The following ZNF66 variants were observed in gnomAD, a reference collection of about 807,000 sequenced individuals.
ZNF66 encodes putative zinc finger protein 66.
Under a neutral mutation model 35.2 loss-of-function variants are expected in ZNF66, and 32 were observed. The ratio of observed to expected loss-of-function variants is 0.91; its 90% confidence interval spans 0.69 to 1.22. The LOEUF (loss-of-function observed/expected upper bound fraction) is 1.22. ZNF66 is among the 50% of genes most tolerant of loss of function. The probability of loss-of-function intolerance (pLI) is 0.00; values close to 1 mark genes in which losing one functional copy is unlikely to be tolerated. For synonymous variants in ZNF66, 231 were observed against 181.3 expected (o/e 1.27, Z -2.20); for missense variants, 666 against 543.1 (o/e 1.23, Z -2.25).
At chr19:20,794,307 G>A (rs73009745) in intron 3 of ZNF66, 6,542 of 176,852 alleles carry the variant, frequency 0.037, 132 homozygotes, top group African/African-American at 0.054. Flanking sequence ...ATTTTTTTTT[G>A]TTCATTTTTG....
chr19:20,777,566 A>AT (rs1392735532), intron 1 of ZNF66, among the ~76,000 whole-genome samples: 1 of 147,876 alleles, frequency 6.8e-6, no homozygotes, highest in Non-Finnish European at 1.5e-5. Context: ...TTTCCCTGGC[A>AT]TTTTTCACAT....
chr19:20,785,346 C>A (rs1417198434), intron 1 of ZNF66, among the ~76,000 whole-genome samples: 1 of 152,204 alleles, frequency 6.6e-6, no homozygotes, highest in African/African-American at 2.4e-5. Context: ...ATGTAAATAG[C>A]CAAAGAGAGA....
In ZNF66 at chr19:20,781,384, C is replaced by T. The variant is rs540232589; in HGVS notation, c.3+4934C>T. On this transcript the variant is annotated intron_variant, in intron 1 of 3. Transcript: ENST00000344519. ...TGTTTTCTGATCCTCTGAGTTCTCC[C>T]ACCCTCCACCCTCAACTAGGCCTCA... Among the ~76,000 whole-genome samples the T allele has an allele frequency of 3.3e-5, 5 of 152,258 alleles. No individual in the cohort carries two copies. The South Asian group carries it at 6.2e-4, about 19-fold the overall frequency.
intron 1 of ZNF66, among the ~76,000 whole-genome samples, chr19:20,788,233 A>G (rs1282032734): frequency 6.6e-6 from 1 of 152,206 alleles, no homozygotes; most frequent in East Asian, 1.9e-4. Flanking sequence ...TGAAGCAGTC[A>G]TGGTTCCTAC....
chr19:20,791,485 C>CAAAAAAAAAAAAAAAAAAA, intron 1 of ZNF66, among the ~76,000 whole-genome samples: 1 of 57,338 alleles, frequency 1.7e-5, no homozygotes, highest in Non-Finnish European at 4.0e-5. Flanking sequence ...GACTTAATCT[C>CAAAAAAAAAAAAAAAAAAA]AAAAAAAAAA....
chr19:20,780,795 G>A (rs2144890815), intron 1 of ZNF66, among the ~76,000 whole-genome samples: 1 of 152,264 alleles, frequency 6.6e-6, no homozygotes, highest in African/African-American at 2.4e-5. Context: ...TGTGATTCAG[G>A]TCTTCTCCCA....
In ZNF66 at chr19:20,809,968, A is replaced by G. The variant is rs1971573655; in HGVS notation, c.*2646A>G. Among the ~76,000 whole-genome samples, 1 of 152,200 alleles carries G rather than the reference A, an allele frequency of 6.6e-6. No individual in the cohort carries two copies. The highest frequency in any genetic ancestry group is 6.5e-5 in the Admixed American group (1 of 15,282). ...GTGCAGAGACACACATAGGCTCAAA[A>G]TAAAAGGATGGAGGAAGATCTACGA... On this transcript the variant is annotated 3_prime_UTR_variant, in exon 4 of 4. Transcript: ENST00000344519.
Position 20,806,476 on chromosome 19 carries a change from A to G in ZNF66, c.876A>G (p.Lys292=), listed in dbSNP as rs746334980. ...CCTACAAATGTGAAGAATGTGGCAA[A>G]GTTTTTAAGTACCTTTCTTCCCTTT... The part of the protein sequence containing the change: ...EKPYKCEECG[K]VFKYLSSLST... Residue 292 remains lysine (K), a synonymous_variant, in exon 4 of 4, where the codon AAA becomes AAG. Transcript: ENST00000344519. The G allele has an allele frequency of 1.6e-5, 25 of 1,527,672 alleles. No homozygotes were observed. In the South Asian group the frequency reaches 2.8e-4, roughly 17 times the overall value. The allele number at this position is 1,527,672 out of a possible 1,614,324, so 94.6% of individuals were successfully genotyped here.
Position 20,777,798 on chromosome 19 carries a change from A to G in ZNF66, c.3+1348A>G, listed in dbSNP as rs1435379265. Among the ~76,000 whole-genome samples the G allele has an allele frequency of 3.9e-5, 6 of 151,916 alleles. No homozygotes were observed. In the East Asian group the frequency reaches 1.2e-3, roughly 30 times the overall value. ...GCGCCACCACTCCCAGCTAGTTTTC[A>G]TATTTTTAGTAGAGATGAGGTTTCA... On this transcript the variant is annotated intron_variant, in intron 1 of 3. Coordinates refer to ENST00000344519, the MANE Select transcript of ZNF66 (RefSeq NM_001355197.2).
In ZNF66 at chr19:20,806,061, T is replaced by A. The variant is rs768488212; in HGVS notation, c.461T>A (p.Phe154Tyr). 1.2e-6 allele frequency: 1 copy of A among 841,864 alleles called. No homozygotes were observed. The highest frequency in any genetic ancestry group is 2.0e-6 in the Non-Finnish European group (1 of 497,700). The allele number at this position is 841,864 out of a possible 1,614,324, so 52.1% of individuals were successfully genotyped here. Residue 154 changes from phenylalanine (F) to tyrosine (Y), a missense_variant, in exon 4 of 4, where the codon TTT becomes TAT. By Grantham distance (22) the Phe-to-Tyr change is conservative. Transcript: ENST00000344519. ...MFQCDKHGKVFHQFSNTNRHK... is the reference protein window; with the variant it reads ...MFQCDKHGKVYHQFSNTNRHK... ...CAATGTGATAAACATGGGAAAGTCTTTCATCAATTTTCAAATACAAACAGA... is the reference window on the plus strand; with the variant it reads ...CAATGTGATAAACATGGGAAAGTCTATCATCAATTTTCAAATACAAACAGA...
intron 3 of ZNF66, among the ~76,000 whole-genome samples, chr19:20,801,075 C>T (rs1287003590): frequency 6.6e-6 from 1 of 152,000 alleles, no homozygotes; most frequent in East Asian, 1.9e-4. Context: ...ATTCACTTTA[C>T]CATAATATAA....
Position 20,806,707 on chromosome 19 carries a change from C to T in ZNF66, c.1107C>T (p.Tyr369=), listed in dbSNP as rs753344113. The change falls in exon 4 of 4, where the codon TAC becomes TAT. Residue 369 remains tyrosine, a synonymous_variant. Coordinates refer to ENST00000344519, the MANE Select transcript of ZNF66 (RefSeq NM_001355197.2). ...TAATCCATACTGGAGAGAAACCCTA[C>T]AAATGTGAAGAATGTGGTGAAGCCT... ...HKIIHTGEKP[Y]KCEECGEAFK... 5.5e-6 allele frequency: 8 copies of T among 1,453,386 alleles called. No homozygotes were observed. The South Asian group carries it at 5.7e-5, about 10-fold the overall frequency. 90.0% of individuals were successfully genotyped at this position (1,453,386 alleles called of 1,614,324 possible).
chr19:20,794,894 G>T (rs1473716225), intron 3 of ZNF66, among the ~76,000 whole-genome samples: 4 of 140,476 alleles, frequency 2.8e-5, no homozygotes, highest in African/African-American at 1.0e-4. Context: ...TTTTTGAGAG[G>T]GGCTTTCACT....
intron 3 of ZNF66, 32 bp downstream of exon 3, chr19:20,793,910 A>C: frequency 1.0e-6 from 1 of 984,420 alleles, no homozygotes. Flanking sequence ...TACAACAGAC[A>C]ACACAGTAAG....
intron 1 of ZNF66, among the ~76,000 whole-genome samples, chr19:20,780,427 A>G (rs1275853154): frequency 2.0e-5 from 3 of 152,168 alleles, no homozygotes; most frequent in African/African-American, 4.8e-5. Context: ...GTGTTTTGCT[A>G]AGTTCTGTGA....
chr19:20,782,033 C>A (rs34919365), intron 1 of ZNF66, among the ~76,000 whole-genome samples: 56,472 of 152,040 alleles, frequency 0.37, 11,199 homozygotes, highest in East Asian at 0.45. Context: ...ACCTCCCAGG[C>A]TAAAGCAATT....
chr19:20,788,415 A>T (rs534198287), intron 1 of ZNF66, among the ~76,000 whole-genome samples: 11 of 152,166 alleles, frequency 7.2e-5, no homozygotes, highest in Non-Finnish European at 1.0e-4. Context: ...GGATTATTAT[A>T]ATTTTTATTT....
chr19:20,799,503 A>C (rs999507344), intron 3 of ZNF66: 2 of 102,586 alleles, frequency 1.9e-5, no homozygotes, highest in African/African-American at 3.5e-5. Flanking sequence ...TTTTGTTGGT[A>C]TTGTGTTTTT....
At position 20,807,067 on chromosome 19, in the gene ZNF66, C is replaced by A. The variant is rs11882542; in HGVS notation, c.1467C>A (p.Ala489=). 113,613 of 804,498 alleles carry A rather than the reference C, an allele frequency of 0.14. 9,110 individuals carry two copies. The highest frequency in any genetic ancestry group is 0.25 in the African/African-American group (15,076 of 59,292). 49.8% of individuals were successfully genotyped at this position (804,498 alleles called of 1,614,324 possible). A position where few individuals can be genotyped will look rare whatever the true frequency, so the allele number is the denominator to read the frequency against. ...KPYKCEECGK[A]FKCSSILTTH... ...ACAAATGTGAAGAATGTGGCAAGGC[C>A]TTTAAGTGCTCCTCTATTCTTACTA... The change falls in exon 4 of 4, where the codon GCC becomes GCA. Residue 489 remains alanine (A), a synonymous_variant. Transcript: ENST00000344519.
Sources: gnomAD v4.1 joint callset for allele counts (sites outside exome capture counted in the v4.1 genomes callset) on GRCh38, gnomAD v4.1.1 for gene constraint, MANE v1.5 for transcripts, NCBI Gene and HGNC (gene_info 2026-07-23, HGNC 2026-07-21) for gene names.